Variants in GALNT13 observed in about 807,000 individuals in gnomAD.
The protein encoded by GALNT13 is polypeptide N-acetylgalactosaminyltransferase 13.
Under a neutral mutation model 64.2 loss-of-function variants are expected in GALNT13, and 28 were observed. The ratio of observed to expected loss-of-function variants is 0.44; its 90% confidence interval spans 0.32 to 0.60. The LOEUF (loss-of-function observed/expected upper bound fraction) is 0.60, where lower values mean the gene tolerates loss of function less well. GALNT13 is among the 20% of genes least tolerant of loss of function. GALNT13 has a pLI of 0.05. For synonymous variants in GALNT13, 214 were observed against 224.6 expected, an observed-to-expected ratio of 0.95 and a Z score of 0.42; for missense variants, 577 against 669.8, an observed-to-expected ratio of 0.86 and a Z score of 1.53.
At chr2:153,082,180 T>C in the GALNT13 span, among the ~76,000 whole-genome samples, 1,076 of 152,218 alleles carry the variant, frequency 7.1e-3, 14 homozygotes, top group Non-Finnish European at 9.4e-3. Context: ...AGAAATGAGT[T>C]TTTGGATAAC....
intron 4 of GALNT13, among the ~76,000 whole-genome samples, chr2:154,202,715 T>C (rs1687239286): frequency 6.6e-6 from 1 of 152,096 alleles, no homozygotes; most frequent in African/African-American, 2.4e-5. Flanking sequence ...AGAAGCTTTG[T>C]TTATGTTTAG....
intron 4 of GALNT13, among the ~76,000 whole-genome samples, chr2:154,201,791 C>A (rs1687185448): frequency 6.6e-6 from 1 of 152,104 alleles, no homozygotes; most frequent in Non-Finnish European, 1.5e-5. Context: ...GAACAGGCAT[C>A]TAATTGAGCA....
the GALNT13 span, among the ~76,000 whole-genome samples, chr2:153,178,928 A>G: frequency 6.6e-6 from 1 of 150,806 alleles, no homozygotes; most frequent in African/African-American, 2.4e-5. Context: ...TTTTTAGTAG[A>G]GATGGGGTTT....
intron 3 of GALNT13, among the ~76,000 whole-genome samples, chr2:153,967,020 G>T (rs1223993275): frequency 6.6e-6 from 1 of 151,800 alleles, no homozygotes; most frequent in East Asian, 1.9e-4. Context: ...AGAGACTGCG[G>T]CATTTTTCAG....
At chr2:153,584,133 G>A in the GALNT13 span, among the ~76,000 whole-genome samples, 7 of 152,078 alleles carry the variant, frequency 4.6e-5, no homozygotes, top group Admixed American at 4.6e-4. Flanking sequence ...TAGCTGTTGG[G>A]TTCATACCAC....
chr2:153,746,411 A>G, the GALNT13 span, among the ~76,000 whole-genome samples: 2 of 152,194 alleles, frequency 1.3e-5, no homozygotes, highest in African/African-American at 4.8e-5. Context: ...TTATTGAATC[A>G]TATAGTGTGT....
intron 2 of GALNT13, among the ~76,000 whole-genome samples, chr2:153,940,504 G>C (rs1237639811): frequency 6.6e-6 from 1 of 151,936 alleles, no homozygotes; most frequent in African/African-American, 2.4e-5. Flanking sequence ...TGATCTACCT[G>C]CCTCAGCCTC....
chr2:153,689,188 G>A, the GALNT13 span, among the ~76,000 whole-genome samples: 1 of 151,820 alleles, frequency 6.6e-6, no homozygotes, highest in African/African-American at 2.4e-5. Context: ...TTACTGGTAT[G>A]AAATATCAGT....
chr2:154,367,183 CAT>C (rs1272893599), intron 9 of GALNT13, among the ~76,000 whole-genome samples: 5 of 149,262 alleles, frequency 3.3e-5, no homozygotes, highest in African/African-American at 1.2e-4. Context: ...TGAGATGAAA[CAT>C]AAGTGATTCG....
the GALNT13 span, among the ~76,000 whole-genome samples, chr2:153,153,474 G>A: frequency 1.3e-5 from 2 of 152,020 alleles, no homozygotes; most frequent in Non-Finnish European, 2.9e-5. Flanking sequence ...CTGTGCCTAT[G>A]TCCTGAATAG....
the GALNT13 span, among the ~76,000 whole-genome samples, chr2:153,321,743 A>G: frequency 6.6e-6 from 1 of 152,188 alleles, no homozygotes; most frequent in Non-Finnish European, 1.5e-5. Context: ...TGGAGCATAC[A>G]TGGGTGCTGG....
the GALNT13 span, among the ~76,000 whole-genome samples, chr2:153,180,921 G>A: frequency 6.6e-6 from 1 of 150,742 alleles, no homozygotes; most frequent in African/African-American, 2.4e-5. Context: ...TCTTAGTCGA[G>A]CTAAAGGTTT....
chr2:154,258,644 A>G (rs1213849013), intron 7 of GALNT13, among the ~76,000 whole-genome samples: 1 of 152,036 alleles, frequency 6.6e-6, no homozygotes, highest in Non-Finnish European at 1.5e-5. Context: ...AATGATTTAC[A>G]TTATGTGACC....
the GALNT13 span, among the ~76,000 whole-genome samples, chr2:153,619,567 G>A: frequency 6.6e-6 from 1 of 151,928 alleles, no homozygotes; most frequent in Non-Finnish European, 1.5e-5. Flanking sequence ...TCTTATTAAA[G>A]TACCCCCTTT....
chr2:153,485,153 T>G, the GALNT13 span, among the ~76,000 whole-genome samples: 1 of 152,238 alleles, frequency 6.6e-6, no homozygotes, highest in Non-Finnish European at 1.5e-5. Context: ...TATGTTCAGG[T>G]TCTTTGTCTT....
At chr2:154,066,694 T>G (rs1184059861) in intron 3 of GALNT13, among the ~76,000 whole-genome samples, 1 of 152,146 alleles carries the variant, frequency 6.6e-6, no homozygotes, top group Non-Finnish European at 1.5e-5. Flanking sequence ...AGTTGAGGGA[T>G]TTCATCAACA....
intron 3 of GALNT13, among the ~76,000 whole-genome samples, chr2:153,992,805 C>T (rs950763648): frequency 3.9e-5 from 6 of 152,170 alleles, no homozygotes; most frequent in African/African-American, 1.2e-4. Flanking sequence ...GCAGCACTAA[C>T]AGTGAAAAAG....
intron 3 of GALNT13, among the ~76,000 whole-genome samples, chr2:153,982,831 ATCTG>A (rs1174015002): frequency 6.6e-6 from 1 of 151,206 alleles, no homozygotes; most frequent in Non-Finnish European, 1.5e-5. Context: ...GACATATTTA[ATCTG>A]TCTGGGGAAA....
the GALNT13 span, among the ~76,000 whole-genome samples, chr2:153,310,746 A>G: frequency 1.3e-5 from 2 of 152,164 alleles, no homozygotes; most frequent in Admixed American, 6.5e-5. Flanking sequence ...CTGGGAGTCA[A>G]AAGTTACAGA....
Sources: allele counts gnomAD v4.1 joint callset (sites outside exome capture counted in the v4.1 genomes callset), GRCh38; gene constraint gnomAD v4.1.1; transcripts MANE v1.5; gene names NCBI Gene and HGNC (gene_info 2026-07-23, HGNC 2026-07-21).